Variants in XKR4 observed in about 807,000 individuals in gnomAD.
XKR4 encodes the protein XK-related protein 4.
A neutral mutation model predicts 53.9 loss-of-function variants in XKR4; 12 were observed. The ratio of observed to expected loss-of-function variants is 0.22; its 90% confidence interval spans 0.14 to 0.36. The LOEUF (loss-of-function observed/expected upper bound fraction) is 0.36, where lower values mean the gene tolerates loss of function less well. Ranked by LOEUF, XKR4 falls within the 10% of genes least tolerant of loss-of-function variation. The pLI is 1.00. For missense variants in XKR4, 799 were observed against 859.5 expected, an observed-to-expected ratio of 0.93 and a Z score of 0.88; for synonymous variants, 354 against 362.4, an observed-to-expected ratio of 0.98 and a Z score of 0.26.
intron 2 of XKR4, among the ~76,000 whole-genome samples, chr8:55,416,847 A>T (rs571341178): frequency 6.6e-6 from 1 of 152,374 alleles, no homozygotes; most frequent in East Asian, 1.9e-4. Flanking sequence ...CTCACAAGAC[A>T]ATGATCTAGT....
At chr8:55,216,418 T>C (rs1307528173) in intron 1 of XKR4, among the ~76,000 whole-genome samples, 2 of 152,168 alleles carry the variant, frequency 1.3e-5, no homozygotes, top group Non-Finnish European at 2.9e-5. Flanking sequence ...GAAGGATTTT[T>C]AAAATATAAT....
chr8:55,136,787 G>A (rs1816637050), intron 1 of XKR4, among the ~76,000 whole-genome samples: 1 of 152,244 alleles, frequency 6.6e-6, no homozygotes, highest in African/African-American at 2.4e-5. Context: ...AATCATTTTA[G>A]CTTAAGTTTA....
At chr8:55,436,600 C>T (rs1014338131) in intron 2 of XKR4, among the ~76,000 whole-genome samples, 2 of 152,118 alleles carry the variant, frequency 1.3e-5, no homozygotes, top group African/African-American at 4.8e-5. Flanking sequence ...GACTTTTCTT[C>T]CTGTGGTCTT....
intron 1 of XKR4, among the ~76,000 whole-genome samples, chr8:55,188,330 T>C (rs1475979668): frequency 1.3e-5 from 2 of 152,188 alleles, no homozygotes; most frequent in South Asian, 4.1e-4. Context: ...TTTATAATGG[T>C]GGGAATTGAA....
At chr8:55,466,795 A>T (rs1416690243) in intron 2 of XKR4, among the ~76,000 whole-genome samples, 1 of 152,132 alleles carries the variant, frequency 6.6e-6, no homozygotes, top group Admixed American at 6.5e-5. Flanking sequence ...CTGGTCTTTT[A>T]TCAGTAAGTG....
intron 1 of XKR4, among the ~76,000 whole-genome samples, chr8:55,305,373 C>T (rs1046991413): frequency 6.6e-6 from 1 of 152,030 alleles, no homozygotes; most frequent in Non-Finnish European, 1.5e-5. Flanking sequence ...TTCCTGGACA[C>T]CTGATTGCTC....
At chr8:55,235,093 G>A (rs1231318754) in intron 1 of XKR4, among the ~76,000 whole-genome samples, 1 of 152,190 alleles carries the variant, frequency 6.6e-6, no homozygotes, top group Non-Finnish European at 1.5e-5. Flanking sequence ...GAGCCTCTGA[G>A]GGAGAATCTG....
intron 1 of XKR4, among the ~76,000 whole-genome samples, chr8:55,149,182 G>A (rs1816809193): frequency 6.6e-6 from 1 of 152,196 alleles, no homozygotes. Context: ...TCTGCCATTC[G>A]AGAGTCTATG....
At chr8:55,500,071 A>ACTGCC (rs1484582895) in intron 2 of XKR4, among the ~76,000 whole-genome samples, 1 of 151,848 alleles carries the variant, frequency 6.6e-6, no homozygotes, top group African/African-American at 2.4e-5. Context: ...AAATGGTTTT[A>ACTGCC]CTGCCTGAAA....
intron 1 of XKR4, among the ~76,000 whole-genome samples, chr8:55,117,984 A>G (rs1194899445): frequency 6.6e-6 from 1 of 152,200 alleles, no homozygotes; most frequent in Non-Finnish European, 1.5e-5. Flanking sequence ...AAATCAGATC[A>G]TTTCCGGATC....
intron 2 of XKR4, among the ~76,000 whole-genome samples, chr8:55,466,484 A>C (rs1805771621): frequency 6.6e-6 from 1 of 151,986 alleles, no homozygotes; most frequent in Non-Finnish European, 1.5e-5. Context: ...GGGGACTGTT[A>C]TGGAGTGGGG....
At chr8:55,344,110 C>T (rs2129382549) in intron 1 of XKR4, among the ~76,000 whole-genome samples, 1 of 152,272 alleles carries the variant, frequency 6.6e-6, no homozygotes, top group South Asian at 2.1e-4. Flanking sequence ...CAGAAACACA[C>T]AACACCCCAA....
chr8:55,518,599 ATGT>A (rs926925160), intron 2 of XKR4, among the ~76,000 whole-genome samples: 1 of 152,220 alleles, frequency 6.6e-6, no homozygotes, highest in Admixed American at 6.5e-5. Context: ...GAGAAAGCAA[ATGT>A]TGTCACCTAC....
intron 2 of XKR4, among the ~76,000 whole-genome samples, chr8:55,407,700 A>C (rs1409305927): frequency 1.3e-5 from 2 of 152,248 alleles, no homozygotes. Flanking sequence ...AGCACTGGGC[A>C]CTAGAGGTGC....
chr8:55,491,726 G>A (rs1006289354), intron 2 of XKR4, among the ~76,000 whole-genome samples: 2 of 151,986 alleles, frequency 1.3e-5, no homozygotes, highest in Admixed American at 1.3e-4. Flanking sequence ...AGACTCCTAG[G>A]TTCAAGTGAT....
intron 1 of XKR4, among the ~76,000 whole-genome samples, chr8:55,168,756 G>C (rs1382197179): frequency 6.6e-6 from 1 of 152,088 alleles, no homozygotes; most frequent in Non-Finnish European, 1.5e-5. Flanking sequence ...GCTTCTCCTT[G>C]CTGGTCAGAC....
intron 1 of XKR4, among the ~76,000 whole-genome samples, chr8:55,110,621 A>G (rs1444092657): frequency 6.6e-6 from 1 of 152,196 alleles, no homozygotes; most frequent in Non-Finnish European, 1.5e-5. Context: ...AAATAGGGGT[A>G]AATTTTGTGA....
intron 1 of XKR4, among the ~76,000 whole-genome samples, chr8:55,302,976 A>C (rs1227397666): frequency 1.3e-5 from 2 of 152,192 alleles, no homozygotes; most frequent in African/African-American, 4.8e-5. Context: ...TTCCTAATTG[A>C]ATACCCTTTA....
At chr8:55,450,192 G>C (rs745567832) in intron 2 of XKR4, 1 of 663,176 alleles carries the variant, frequency 1.5e-6, no homozygotes, top group Non-Finnish European at 2.8e-6. Flanking sequence ...AGCTGTGGTA[G>C]CAGGGCCACA....
Sources: gnomAD v4.1 joint callset for allele counts (sites outside exome capture counted in the v4.1 genomes callset) on GRCh38, gnomAD v4.1.1 for gene constraint, MANE v1.5 for transcripts, NCBI Gene and HGNC (gene_info 2026-07-23, HGNC 2026-07-21) for gene names.